Variants in MAP3K3 observed in about 807,000 individuals in gnomAD.
MAP3K3 encodes the protein MAP/ERK kinase kinase 3.
A neutral mutation model predicts 80.9 loss-of-function variants in MAP3K3; 12 were observed. That is an observed-to-expected ratio of 0.15 (90% CI 0.10 to 0.24). MAP3K3 has a LOEUF of 0.24. MAP3K3 is among the 10% of genes least tolerant of loss of function. The pLI is 1.00. For synonymous variants in MAP3K3, 272 were observed against 307.1 expected (o/e 0.89, Z 1.19); for missense variants, 596 against 834.7 (o/e 0.71, Z 3.52).
intron 6 of MAP3K3, among the ~76,000 whole-genome samples, chr17:63,669,180 A>C (rs1286260610): frequency 6.6e-6 from 1 of 152,162 alleles, no homozygotes; most frequent in Non-Finnish European, 1.5e-5. Context: ...GATCTGGAAA[A>C]TGCATTCTGA....
chr17:63,652,102 A>G lies in MAP3K3; in HGVS notation c.168-455A>G, dbSNP rs182532111. Among the ~76,000 whole-genome samples the G allele has an allele frequency of 1.6e-4, 24 of 152,294 alleles. No homozygotes were observed. The East Asian group carries it at 3.9e-3, about 24-fold the overall frequency. On this transcript the variant is annotated intron_variant, in intron 3 of 15. Transcript: ENST00000361733. ...TTTGTTACATAGTTAAACATGTGCC[A>G]TGGTGGTTTGCTGCACAGATTAATC...
At chr17:63,623,182 C>CT (rs909477848) in intron 1 of MAP3K3, among the ~76,000 whole-genome samples, 4 of 151,986 alleles carry the variant, frequency 2.6e-5, no homozygotes, top group Non-Finnish European at 4.4e-5. Flanking sequence ...CCTTGATTTG[C>CT]TTTTTTTTCC....
chr17:63,659,674 A>G (rs1384383257), intron 5 of MAP3K3, among the ~76,000 whole-genome samples: 2 of 151,552 alleles, frequency 1.3e-5, no homozygotes, highest in African/African-American at 2.4e-5. Flanking sequence ...CTGGGATTAC[A>G]GGTGCACGAC....
chr17:63,632,775 C>G lies in MAP3K3; in HGVS notation c.99C>G (p.Asn33Lys). ...HRMPGYETMK[N>K]KDTGHSNRQS... is the part of the protein sequence containing the mutation. ...TGCCTGGATATGAGACCATGAAGAA[C>G]AAAGACACAGGTCACTCAAATAGGC... The change falls in exon 2 of 16, where the codon AAC becomes AAG. Residue 33 changes from asparagine (N) to lysine (K), a missense_variant. Physicochemically the swap from Asn to Lys is moderately conservative, Grantham distance 94 (BLOSUM62 0). Transcript: ENST00000361733. The G allele has an allele frequency of 6.2e-7, 1 of 1,614,060 alleles. No homozygotes were observed. Among genetic ancestry groups the G allele is most frequent in the Non-Finnish European group, 8.5e-7 (1 of 1,179,990 alleles).
intron 6 of MAP3K3, among the ~76,000 whole-genome samples, chr17:63,670,784 T>C (rs2035091687): frequency 6.6e-6 from 1 of 150,988 alleles, no homozygotes. Context: ...AGAGGAAGTG[T>C]GGTATGTCAG....
chr17:63,631,713 A>G (rs2034219403), intron 1 of MAP3K3, among the ~76,000 whole-genome samples: 1 of 152,166 alleles, frequency 6.6e-6, no homozygotes. Context: ...CTATTTCAAG[A>G]AAAGGGGATT....
intron 5 of MAP3K3, among the ~76,000 whole-genome samples, chr17:63,661,682 T>G (rs1455004260): frequency 6.6e-6 from 1 of 152,226 alleles, no homozygotes; most frequent in Non-Finnish European, 1.5e-5. Flanking sequence ...CACCTAAATA[T>G]TGTAAGTTAA....
Position 63,685,570 on chromosome 17 carries a change from C to T in MAP3K3, c.690C>T (p.Ser230=). ...ATTCCTTGTCTGGAAGCTGCCAATC[C>T]TTGGACAGGTCAGCAGACAGGTATG... The part of the protein sequence containing the change: ...AENSLSGSCQ[S]LDRSADSPSF... The change falls in exon 8 of 16, where the codon TCC becomes TCT. Residue 230 remains serine (S), a synonymous_variant. Coordinates refer to ENST00000361733, the MANE Select transcript of MAP3K3 (RefSeq NM_002401.5). The T allele has an allele frequency of 6.2e-7, 1 of 1,614,130 alleles. No individual in the cohort carries two copies. The highest frequency in any genetic ancestry group is 8.5e-7 in the Non-Finnish European group (1 of 1,179,998).
intron 2 of MAP3K3, among the ~76,000 whole-genome samples, chr17:63,633,673 C>T (rs114616809): frequency 6.6e-6 from 1 of 152,170 alleles, no homozygotes; most frequent in Non-Finnish European, 1.5e-5. Flanking sequence ...TGACAATCTT[C>T]TTCTCACCTG....
chr17:63,631,652 T>C (rs747356342), intron 1 of MAP3K3, among the ~76,000 whole-genome samples: 13 of 152,336 alleles, frequency 8.5e-5, no homozygotes, highest in Non-Finnish European at 1.3e-4. Context: ...TGGTTTGTGT[T>C]CTGGGTTTTG....
intron 2 of MAP3K3, among the ~76,000 whole-genome samples, chr17:63,636,332 G>A (rs1353288969): frequency 6.6e-6 from 1 of 152,100 alleles, no homozygotes; most frequent in Non-Finnish European, 1.5e-5. Flanking sequence ...TGTATTCTAG[G>A]AGTACAGAGA....
At chr17:63,642,294 T>C (rs1271643781) in intron 2 of MAP3K3, among the ~76,000 whole-genome samples, 3 of 152,238 alleles carry the variant, frequency 2.0e-5, no homozygotes, top group Non-Finnish European at 4.4e-5. Flanking sequence ...TATGGCTCGT[T>C]ATGAAATAAA....
chr17:63,634,693 T>G (rs1231838967), intron 2 of MAP3K3: 1 of 1,604,688 alleles, frequency 6.2e-7, no homozygotes, highest in Admixed American at 1.7e-5. Flanking sequence ...TAACCTCAGT[T>G]TTTTTGTTTT....
rs763526019 is a variant in MAP3K3, at chr17:63,690,351, C to T, written c.1151C>T (p.Thr384Met). The T allele has an allele frequency of 1.9e-6, 3 of 1,614,194 alleles. No individual in the cohort carries two copies. The highest frequency in any genetic ancestry group is 1.7e-6 in the Non-Finnish European group (2 of 1,180,028). The change falls in exon 12 of 16, where the codon ACG becomes ATG. Residue 384 changes from threonine (T) to methionine (M), a missense_variant. By Grantham distance (81) the Thr-to-Met change is moderately conservative. Transcript: ENST00000361733. ...GRVYLCYDVD[T>M]GRELASKQVQ... ...GTCTATTTGTGCTATGACGTGGACA[C>T]GGGACGTGAACTTGCTTCCAAGCAG...
In MAP3K3 at chr17:63,690,806, G is replaced by A. The variant is rs141462256; in HGVS notation, c.1213-296G>A. 5.7e-3 allele frequency among the ~76,000 whole-genome samples: 861 copies of A among 152,292 alleles called. 7 individuals carry two copies. The highest frequency in any genetic ancestry group is 0.02 in the African/African-American group (812 of 41,554). ...TCATATGGCCTGTCTTTGCAGTTCA[G>A]CTTTCAACGTCGCTTATACTTCAAG... On this transcript the variant is annotated intron_variant, in intron 12 of 15. Coordinates refer to ENST00000361733, the MANE Select transcript of MAP3K3 (RefSeq NM_002401.5).
intron 2 of MAP3K3, among the ~76,000 whole-genome samples, chr17:63,644,224 A>G (rs980326052): frequency 2.0e-5 from 3 of 152,036 alleles, no homozygotes; most frequent in African/African-American, 7.2e-5. Flanking sequence ...TCAGGGCTGT[A>G]TATTTTTTGA....
intron 5 of MAP3K3, among the ~76,000 whole-genome samples, chr17:63,658,435 C>CTGTA (rs2034816772): frequency 6.6e-6 from 1 of 152,186 alleles, no homozygotes; most frequent in South Asian, 2.1e-4. Context: ...GGCAGGCAGT[C>CTGTA]TGTAGGGTGT....
At chr17:63,659,695 G>A (rs1041431412) in intron 5 of MAP3K3, among the ~76,000 whole-genome samples, 1 of 151,572 alleles carries the variant, frequency 6.6e-6, no homozygotes, top group Non-Finnish European at 1.5e-5. Flanking sequence ...ACCACGCCCC[G>A]CTAATTTTTG....
intron 6 of MAP3K3, among the ~76,000 whole-genome samples, chr17:63,678,315 T>G (rs949327630): frequency 1.3e-5 from 2 of 152,130 alleles, no homozygotes; most frequent in African/African-American, 4.8e-5. Flanking sequence ...ATCCCTAAAT[T>G]TACACTCAGA....
Sources: gnomAD v4.1 joint callset for allele counts (sites outside exome capture counted in the v4.1 genomes callset) on GRCh38, gnomAD v4.1.1 for gene constraint, MANE v1.5 for transcripts, NCBI Gene and HGNC (gene_info 2026-07-23, HGNC 2026-07-21) for gene names.